HELLS: variants seen among roughly 807,000 people sequenced by gnomAD.
HELLS encodes the protein helicase, lymphoid specific, also known as lymphoid-specific helicase.
Under a neutral mutation model 120.0 loss-of-function variants are expected in HELLS, and 32 were observed. The observed-to-expected ratio is 0.27, with a 90% CI of 0.20 to 0.36. The LOEUF (loss-of-function observed/expected upper bound fraction) is 0.36. Among genes scored for constraint, HELLS ranks in the 10% least tolerant of loss-of-function variants. The pLI, the probability that HELLS is intolerant of heterozygous loss-of-function variation, is 1.00. For synonymous variants in HELLS, 341 were observed against 323.4 expected, an observed-to-expected ratio of 1.05 and a Z score of -0.58; for missense variants, 650 against 993.4, an observed-to-expected ratio of 0.65 and a Z score of 4.65.
rs1407015483 is a variant in HELLS at position 94,562,968 on chromosome 10, A to G, written c.435+92A>G. On this transcript the variant is annotated intron_variant, in intron 6 of 21. Coordinates refer to ENST00000348459, the MANE Select transcript of HELLS (RefSeq NM_018063.5). ...TAAATCTGTAAAGATTGAATATTCA[A>G]TATCACATGAAATATGTTTTGAATT... 5.4e-6 allele frequency: 4 copies of G among 734,242 alleles called. No individual in the cohort carries two copies. The South Asian group carries it at 5.7e-5, about 10-fold the overall frequency. The allele number at this position is 734,242 out of a possible 1,614,324, so 45.5% of individuals were successfully genotyped here. A position where few individuals can be genotyped will look rare whatever the true frequency, so the allele number is the denominator to read the frequency against.
chr10:94,581,307 T>C lies in HELLS; in HGVS notation c.1033-19T>C, dbSNP rs1844856413. The C allele has an allele frequency of 1.4e-6, 2 of 1,455,066 alleles. No homozygotes were observed. Among genetic ancestry groups the C allele is most frequent in the South Asian group, 2.7e-5 (2 of 74,008 alleles). The allele number at this position is 1,455,066 out of a possible 1,614,324, so 90.1% of individuals were successfully genotyped here. A position where few individuals can be genotyped will look rare whatever the true frequency, so the allele number is the denominator to read the frequency against. ...TGAGATCATTGTTTAAAAATCTTTT[T>C]CCTCAATTCGTTTTCTAGCATTGCT... On this transcript the variant is annotated intron_variant, in intron 10 of 21. Transcript: ENST00000348459.
At chr10:94,557,217 A>AATAC (rs1377934547) in intron 3 of HELLS, 7 of 416,278 alleles carry the variant, frequency 1.7e-5, no homozygotes, top group Non-Finnish European at 2.4e-5. Flanking sequence ...AAATTGAGAG[A>AATAC]ATACAGTAAG....
intron 12 of HELLS, chr10:94,583,987 G>A (rs1347407633): frequency 3.3e-6 from 2 of 613,374 alleles, no homozygotes; most frequent in Non-Finnish European, 5.7e-6. Context: ...TATTTCCTTA[G>A]GAAAGAATTC....
At chr10:94,564,629 T>C (rs570491266) in intron 6 of HELLS, among the ~76,000 whole-genome samples, 2 of 152,266 alleles carry the variant, frequency 1.3e-5, no homozygotes, top group African/African-American at 4.8e-5. Flanking sequence ...TTTTTTTTTC[T>C]TGGAGACAGT....
Position 94,588,357 on chromosome 10 carries a change from C to T in HELLS, c.1455C>T (p.Asn485=). ...AGATCTTTTATACAGCCATTGTGAACCGTACAATTGCAAACATGTTTGGAT... is the reference window on the plus strand; with the variant it reads ...AGATCTTTTATACAGCCATTGTGAATCGTACAATTGCAAACATGTTTGGAT... ...KQEIFYTAIV[N]RTIANMFGSS... Residue 485 remains asparagine, a synonymous_variant, in exon 13 of 22, where the codon AAC becomes AAT. Coordinates refer to ENST00000348459, the MANE Select transcript of HELLS (RefSeq NM_018063.5). The T allele has an allele frequency of 6.2e-7, 1 of 1,609,998 alleles. No individual in the cohort carries two copies. Among genetic ancestry groups the T allele is most frequent in the South Asian group, 1.1e-5 (1 of 90,112 alleles).
At chr10:94,579,699 A>T (rs1844721570) in intron 10 of HELLS, among the ~76,000 whole-genome samples, 1 of 151,820 alleles carries the variant, frequency 6.6e-6, no homozygotes, top group Admixed American at 6.6e-5. Context: ...CCGTCATCAC[A>T]CCTGACTGAT....
rs1845769986 is a variant in HELLS at position 94,596,961 on chromosome 10, GTT to G, written c.2345+9_2345+10del. 2.0e-6 allele frequency: 3 copies of G among 1,471,210 alleles called. No homozygotes were observed. The highest frequency in any genetic ancestry group is 2.8e-6 in the Non-Finnish European group (3 of 1,057,490). 91.1% of individuals were successfully genotyped at this position (1,471,210 alleles called of 1,614,324 possible). A position where few individuals can be genotyped will look rare whatever the true frequency, so the allele number is the denominator to read the frequency against. On this transcript the variant is annotated splice_donor_region_variant and intron_variant, in intron 20 of 21. Coordinates refer to ENST00000348459, the MANE Select transcript of HELLS (RefSeq NM_018063.5). ...AAAATCTAGAGATTATGAAAGGTGA[GTT>G]TTTAATTTTAGAAAGATTTAATTTG...
intron 6 of HELLS, chr10:94,570,783 C>G (rs1844107325): frequency 6.6e-6 from 1 of 151,906 alleles, no homozygotes; most frequent in Non-Finnish European, 1.5e-5. Context: ...TGCCTCTTAC[C>G]CAGGAATGCA....
chr10:94,608,636 G>GTTTTTTTTTTTTTTT, intron 9 of HELLS, among the ~76,000 whole-genome samples: 1 of 148,122 alleles, frequency 6.8e-6, no homozygotes, highest in Non-Finnish European at 1.5e-5. Context: ...CAGTTTTTTA[G>GTTTTTTTTTTTTTTT]TTTTTTTTTT....
chr10:94,606,079 T>C (rs370475356), downstream of HELLS, among the ~76,000 whole-genome samples: 1,292 of 151,634 alleles, frequency 8.5e-3, 17 homozygotes, highest in African/African-American at 0.03. Flanking sequence ...TTTTCTTTTT[T>C]TTTTTCATTT....
At position 94,590,328 on chromosome 10, in the gene HELLS, A is replaced by G. The variant is rs995971363; in HGVS notation, c.1489-85A>G. The G allele has an allele frequency of 1.7e-5, 19 of 1,151,064 alleles. No individual in the cohort carries two copies. The Admixed American group carries it at 3.6e-4, about 22-fold the overall frequency. The allele number at this position is 1,151,064 out of a possible 1,614,324, so 71.3% of individuals were successfully genotyped here. A position where few individuals can be genotyped will look rare whatever the true frequency, so the allele number is the denominator to read the frequency against. On this transcript the variant is annotated intron_variant, in intron 13 of 21. Transcript: ENST00000348459. ...TTGTCTATAGATTGTCATTTTGTACATAAAATATGCCTTATTTTGTTTACA... is the reference window on the plus strand; with the variant it reads ...TTGTCTATAGATTGTCATTTTGTACGTAAAATATGCCTTATTTTGTTTACA...
intron 12 of HELLS, among the ~76,000 whole-genome samples, chr10:94,585,814 C>A (rs1024468566): frequency 3.9e-5 from 6 of 151,930 alleles, no homozygotes; most frequent in African/African-American, 1.5e-4. Context: ...TTCAAGTGAT[C>A]CTCCTGCCTC....
chr10:94,548,640 A>T (rs1379915331), intron 2 of HELLS, among the ~76,000 whole-genome samples: 1 of 152,202 alleles, frequency 6.6e-6, no homozygotes, highest in Non-Finnish European at 1.5e-5. Context: ...CCTAAATTTA[A>T]TAATTATGCA....
At chr10:94,578,532 A>C (rs1844635949) in intron 10 of HELLS, among the ~76,000 whole-genome samples, 1 of 152,052 alleles carries the variant, frequency 6.6e-6, no homozygotes, top group Non-Finnish European at 1.5e-5. Context: ...AACATGGTGA[A>C]ACCACATCTC....
intron 2 of HELLS, among the ~76,000 whole-genome samples, chr10:94,549,537 T>C: frequency 6.6e-6 from 1 of 152,082 alleles, no homozygotes; most frequent in South Asian, 2.1e-4. Flanking sequence ...AGTCAGGAGA[T>C]TTCTTGGAGA....
intron 2 of HELLS, among the ~76,000 whole-genome samples, chr10:94,550,749 C>T (rs1842945161): frequency 6.6e-6 from 1 of 152,020 alleles, no homozygotes; most frequent in Non-Finnish European, 1.5e-5. Context: ...AACTAGCCGG[C>T]ATGGTGGCAC....
At position 94,593,503 on chromosome 10, in the gene HELLS, A is replaced by G; in HGVS notation, c.1976A>G (p.His659Arg). ...MSYSEREKNM[H>R]SFNTDPEVFI... ...TTACATCCTTTTTGCTTTTAGATGC[A>G]CAGCTTCAACACGGATCCAGAGGTG... Residue 659 changes from histidine to arginine, a missense_variant, in exon 18 of 22, where the codon CAC (histidine) becomes CGC (arginine). Physicochemically the swap from His to Arg is conservative, Grantham distance 29. Coordinates refer to ENST00000348459, the MANE Select transcript of HELLS (RefSeq NM_018063.5). 1 of 1,607,218 alleles carries G rather than the reference A, an allele frequency of 6.2e-7. No individual in the cohort carries two copies. Among genetic ancestry groups the G allele is most frequent in the South Asian group, 1.1e-5 (1 of 90,914 alleles).
intron 12 of HELLS, among the ~76,000 whole-genome samples, chr10:94,586,331 C>T (rs928287665): frequency 6.6e-6 from 1 of 152,080 alleles, no homozygotes; most frequent in African/African-American, 2.4e-5. Flanking sequence ...CTGTGTTAGC[C>T]GGGATGGTCT....
intron 8 of HELLS, 89 bp from the exon 9 acceptor site, chr10:94,574,465 T>C: frequency 1.0e-6 from 1 of 978,976 alleles, no homozygotes; most frequent in Non-Finnish European, 1.6e-6. Flanking sequence ...CATCTTTGGG[T>C]GTGATTTTTT....
Sources: gnomAD v4.1 joint callset for allele counts (sites outside exome capture counted in the v4.1 genomes callset) on GRCh38, gnomAD v4.1.1 for gene constraint, MANE v1.5 for transcripts, NCBI Gene and HGNC (gene_info 2026-07-23, HGNC 2026-07-21) for gene names.